Variants in PTGER4 observed in about 807,000 individuals in gnomAD.
The protein encoded by PTGER4 is prostaglandin E receptor 4, also known as prostaglandin E2 receptor EP4 subtype.
A neutral mutation model predicts 33.2 loss-of-function variants in PTGER4; 11 were observed. That is an observed-to-expected ratio of 0.33 (90% confidence interval 0.21 to 0.55). PTGER4 has a LOEUF of 0.55. Ranked by LOEUF, PTGER4 falls within the 20% of genes least tolerant of loss-of-function variation. The pLI, the probability that PTGER4 is intolerant of heterozygous loss-of-function variation, is 0.92. For synonymous variants in PTGER4, 275 were observed against 281.5 expected (o/e 0.98, Z 0.23); for missense variants, 481 against 650.2 (o/e 0.74, Z 2.83).
downstream of PTGER4, among the ~76,000 whole-genome samples, chr5:40,698,711 G>A (rs1245167465): frequency 6.6e-6 from 1 of 152,104 alleles, no homozygotes; most frequent in Non-Finnish European, 1.5e-5. Flanking sequence ...CACCTCATTG[G>A]TCACCTTTGG....
chr5:40,716,457 C>G, the PTGER4 span: 2 of 1,613,064 alleles, frequency 1.2e-6, no homozygotes, highest in Non-Finnish European at 8.5e-7. Flanking sequence ...TTTCAGGGTT[C>G]ATTGGATAGA....
the PTGER4 span, among the ~76,000 whole-genome samples, chr5:40,723,848 G>C: frequency 6.6e-6 from 1 of 152,070 alleles, no homozygotes; most frequent in Admixed American, 6.6e-5. Flanking sequence ...CTGGGCGACA[G>C]AGCAAGATTC....
At chr5:40,722,849 G>A in the PTGER4 span, among the ~76,000 whole-genome samples, 5 of 151,318 alleles carry the variant, frequency 3.3e-5, no homozygotes, top group African/African-American at 7.3e-5. Context: ...CAGCTGCCCC[G>A]TCCGGGAGGT....
rs1454117987 is a variant in PTGER4, at chr5:40,681,031, G to T, written c.38G>T (p.Ser13Ile). 1 of 1,613,792 alleles carries T rather than the reference G, an allele frequency of 6.2e-7. No individual in the cohort carries two copies. The highest frequency in any genetic ancestry group is 8.5e-7 in the Non-Finnish European group (1 of 1,179,952). ...GGGGTCAATTCGTCCGCCTCCTTGA[G>T]CCCCGACCGGCTGAACAGCCCAGTG... ...TPGVNSSASL[S>I]PDRLNSPVTI... The change falls in exon 2 of 3, where the codon AGC becomes ATC. Residue 13 changes from serine (S) to isoleucine (I), a missense_variant. Physicochemically the swap from Ser to Ile is moderately radical, Grantham distance 142. This residue lies in a region of PTGER4 where 26 missense variants were observed against 21.0 expected (regional missense o/e 1.24). Transcript: ENST00000302472. The surrounding 1 kb of genome is among the most constrained non-coding windows in gnomAD (Gnocchi z 9.8).
the PTGER4 span, among the ~76,000 whole-genome samples, chr5:40,713,624 T>A: frequency 1.3e-5 from 2 of 152,190 alleles, no homozygotes; most frequent in Admixed American, 1.3e-4. Context: ...GAATGATATA[T>A]GATTCTTGTG....
At chr5:40,690,181 A>T (rs933259119) in intron 2 of PTGER4, among the ~76,000 whole-genome samples, 1 of 152,062 alleles carries the variant, frequency 6.6e-6, no homozygotes, top group African/African-American at 2.4e-5. Context: ...CTCTACAAAA[A>T]TAATAACAGT....
At position 40,680,239 on chromosome 5, in the gene PTGER4, C is replaced by T. The variant is rs1741149839; in HGVS notation, c.-283C>T. On this transcript the variant is annotated 5_prime_UTR_variant, in exon 1 of 3. Transcript: ENST00000302472. The surrounding 1 kb of genome is among the most constrained non-coding windows in gnomAD (Gnocchi z 5.5). ...GAAAAAAAATAGCGAGTAAGAAATC[C>T]AGCACCATTCTTCACTGACCCATCC... is the stretch of plus-strand genomic sequence containing the variant. 6.6e-6 allele frequency: 1 copy of T among 152,510 alleles called. No individual in the cohort carries two copies. Among genetic ancestry groups the T allele is most frequent in the African/African-American group, 2.4e-5 (1 of 41,466 alleles). 9.4% of individuals were successfully genotyped at this position (152,510 alleles called of 1,614,324 possible).
downstream of PTGER4, chr5:40,696,750 A>T: frequency 2.1e-6 from 2 of 943,570 alleles, no homozygotes; most frequent in Non-Finnish European, 2.5e-6. Flanking sequence ...ACACACTAAA[A>T]TCTGAACAAT....
the PTGER4 span, among the ~76,000 whole-genome samples, chr5:40,718,911 T>G: frequency 6.6e-6 from 1 of 151,908 alleles, no homozygotes; most frequent in African/African-American, 2.4e-5. Flanking sequence ...AATAAATAAA[T>G]AAATAAAAAT....
chr5:40,724,853 ATTTT>A, the PTGER4 span, among the ~76,000 whole-genome samples: 1 of 138,106 alleles, frequency 7.2e-6, no homozygotes, highest in African/African-American at 2.7e-5. Flanking sequence ...TTACAAGTGG[ATTTT>A]TTTTTTTTTT....
chr5:40,711,783 C>CA, the PTGER4 span, among the ~76,000 whole-genome samples: 4 of 150,264 alleles, frequency 2.7e-5, no homozygotes, highest in East Asian at 2.0e-4. Flanking sequence ...TCATGTTAAG[C>CA]AAAAAAAAAG....
chr5:40,716,115 A>C, the PTGER4 span: 4 of 1,519,190 alleles, frequency 2.6e-6, no homozygotes, highest in East Asian at 9.1e-5. Context: ...AATCAAAAAG[A>C]CAGATTCAAA....
the PTGER4 span, chr5:40,716,403 C>A: frequency 1.2e-6 from 2 of 1,613,970 alleles, no homozygotes; most frequent in South Asian, 2.2e-5. Flanking sequence ...CTACCTTCTG[C>A]TGCTCCTGGA....
chr5:40,692,020 C>T lies in PTGER4; in HGVS notation c.1109C>T (p.Ser370Phe), dbSNP rs1043969417. The change falls in exon 3 of 3, where the codon TCT (serine) becomes TTT (phenylalanine). Residue 370 changes from serine to phenylalanine, a missense_variant. Ser to Phe is a radical substitution (Grantham distance 155). Coordinates refer to ENST00000302472, the MANE Select transcript of PTGER4 (RefSeq NM_000958.3). The stretch of plus-strand genomic sequence containing the variant: ...CACTGCTCAGACAGTCAAAGGACAT[C>T]TTCTGCCATGTCAGGCCACTCTCGC... ...GQHCSDSQRT[S>F]SAMSGHSRSF... The T allele has an allele frequency of 6.2e-7, 1 of 1,614,112 alleles. No individual in the cohort carries two copies. The highest frequency in any genetic ancestry group is 1.3e-5 in the African/African-American group (1 of 74,952).
chr5:40,704,875 A>G, the PTGER4 span, among the ~76,000 whole-genome samples: 1 of 152,206 alleles, frequency 6.6e-6, no homozygotes, highest in Non-Finnish European at 1.5e-5. Context: ...GGAAGAATCA[A>G]TATCATTAAA....
At chr5:40,738,332 T>C in the PTGER4 span, among the ~76,000 whole-genome samples, 10 of 151,754 alleles carry the variant, frequency 6.6e-5, no homozygotes, top group African/African-American at 2.4e-5. Context: ...GGAGAATTGC[T>C]TGAACCCGGG....
intron 2 of PTGER4, among the ~76,000 whole-genome samples, chr5:40,686,459 G>C (rs773599079): frequency 9.2e-5 from 14 of 152,124 alleles, no homozygotes; most frequent in Non-Finnish European, 1.8e-4. Flanking sequence ...CATATGGGTT[G>C]AAAGAAAAAG....
the PTGER4 span, among the ~76,000 whole-genome samples, chr5:40,724,826 T>C: frequency 6.6e-6 from 1 of 151,342 alleles, no homozygotes; most frequent in African/African-American, 2.4e-5. Flanking sequence ...TCTACAGTAA[T>C]TAACTAAACT....
At chr5:40,694,658 G>A (rs980692296), downstream of PTGER4, among the ~76,000 whole-genome samples, 7 of 151,392 alleles carry the variant, frequency 4.6e-5, no homozygotes, top group Admixed American at 4.6e-4. Context: ...CTGGATTAGG[G>A]CCCCACCCTT....
Sources: allele counts gnomAD v4.1 joint callset (sites outside exome capture counted in the v4.1 genomes callset), GRCh38; gene constraint gnomAD v4.1.1; regional missense constraint gnomAD v4.1.1; non-coding constraint Gnocchi (gnomAD v3.1); transcripts MANE v1.5; gene names NCBI Gene and HGNC (gene_info 2026-07-23, HGNC 2026-07-21).